Variants in SNTG1 observed in about 807,000 individuals in gnomAD.
SNTG1 encodes the protein syntrophin gamma 1.
A neutral mutation model predicts 74.7 loss-of-function variants in SNTG1; 39 were observed. That is an observed-to-expected ratio of 0.52 (90% CI 0.40 to 0.68). SNTG1 has a LOEUF of 0.68. SNTG1 is among the 30% of genes least tolerant of loss of function. The pLI is 0.00. For missense variants in SNTG1, 685 were observed against 609.5 expected, an observed-to-expected ratio of 1.12 and a Z score of -1.30; for synonymous variants, 254 against 217.1, an observed-to-expected ratio of 1.17 and a Z score of -1.49.
chr8:50,770,654 A>G lies in SNTG1; in HGVS notation c.1395+18543A>G, dbSNP rs369919807. Among the ~76,000 whole-genome samples the G allele has an allele frequency of 2.0e-5, 3 of 152,076 alleles. No homozygotes were observed. The East Asian group carries it at 5.8e-4, about 29-fold the overall frequency. ...ATATGGCTTCTCCCCTCTGAAACTC[A>G]TGTTAAAATTTGATTCTCAATGTGA... On this transcript the variant is annotated intron_variant, in intron 18 of 18. Transcript: ENST00000642720.
intron 1 of SNTG1, among the ~76,000 whole-genome samples, chr8:49,989,960 T>C (rs1813522465): frequency 1.3e-5 from 2 of 151,920 alleles, no homozygotes; most frequent in Non-Finnish European, 2.9e-5. Flanking sequence ...CTCAATTTGA[T>C]AAAAAGTATC....
chr8:50,008,721 G>A (rs570328816), intron 1 of SNTG1, among the ~76,000 whole-genome samples: 1 of 152,252 alleles, frequency 6.6e-6, no homozygotes, highest in South Asian at 2.1e-4. Flanking sequence ...GCTTGTCTCA[G>A]TTAATCAAAT....
chr8:49,928,638 TGC>T (rs1162683903), intron 1 of SNTG1, among the ~76,000 whole-genome samples: 1 of 152,146 alleles, frequency 6.6e-6, no homozygotes, highest in Non-Finnish European at 1.5e-5. Flanking sequence ...AGGAACTCTC[TGC>T]ACATTTTGCC....
At chr8:50,078,197 C>G (rs1198813814) in intron 1 of SNTG1, among the ~76,000 whole-genome samples, 1 of 152,140 alleles carries the variant, frequency 6.6e-6, no homozygotes, top group African/African-American at 2.4e-5. Flanking sequence ...TAAGTTTCAA[C>G]ACTGTATAAG....
chr8:50,564,663 A>G (rs992527415), intron 12 of SNTG1, among the ~76,000 whole-genome samples: 3 of 152,220 alleles, frequency 2.0e-5, no homozygotes, highest in Admixed American at 6.5e-5. Context: ...TTAGCTTACA[A>G]TGATATTTAA....
chr8:50,619,270 G>T (rs1362692357), intron 13 of SNTG1, among the ~76,000 whole-genome samples: 2 of 152,118 alleles, frequency 1.3e-5, no homozygotes, highest in Non-Finnish European at 2.9e-5. Context: ...TAATTTTTAT[G>T]ATAGTAATAG....
chr8:50,195,896 G>C (rs4873419), intron 2 of SNTG1, among the ~76,000 whole-genome samples: 46,107 of 151,950 alleles, frequency 0.3, 7,147 homozygotes, highest in South Asian at 0.42. Flanking sequence ...ATGAGAGTTT[G>C]CGCAAGCTGC....
intron 13 of SNTG1, among the ~76,000 whole-genome samples, chr8:50,648,801 A>AT (rs924413278): frequency 1.3e-5 from 2 of 152,136 alleles, no homozygotes; most frequent in Admixed American, 6.6e-5. Flanking sequence ...ATTGTTAGCC[A>AT]TTGTGCTGCC....
intron 1 of SNTG1, among the ~76,000 whole-genome samples, chr8:50,047,410 A>T (rs10086530): frequency 0.039 from 5,887 of 152,208 alleles, 403 homozygotes; most frequent in African/African-American, 0.13. Context: ...CCTACTTAAC[A>T]TTTATAAACT....
At chr8:50,270,841 A>G (rs1437929237) in intron 2 of SNTG1, among the ~76,000 whole-genome samples, 2 of 152,224 alleles carry the variant, frequency 1.3e-5, no homozygotes, top group Non-Finnish European at 2.9e-5. Context: ...TGGTAAGAAT[A>G]GAGTTTCAAT....
At chr8:50,602,936 A>G (rs1029293470) in intron 13 of SNTG1, among the ~76,000 whole-genome samples, 3 of 116,612 alleles carry the variant, frequency 2.6e-5, no homozygotes, top group African/African-American at 1.1e-4. Flanking sequence ...TGCTGGTTTT[A>G]GAGTTCTTTC....
chr8:50,670,962 A>C (rs1586028446), intron 15 of SNTG1, among the ~76,000 whole-genome samples: 1 of 151,068 alleles, frequency 6.6e-6, no homozygotes, highest in Non-Finnish European at 1.5e-5. Flanking sequence ...CTATTTAATA[A>C]ATGGTGCTGG....
At chr8:50,614,581 G>A (rs1332839308) in intron 13 of SNTG1, among the ~76,000 whole-genome samples, 2 of 152,028 alleles carry the variant, frequency 1.3e-5, no homozygotes, top group Non-Finnish European at 2.9e-5. Flanking sequence ...ACTACTCAAT[G>A]AGCAATGACC....
intron 2 of SNTG1, among the ~76,000 whole-genome samples, chr8:50,360,701 G>A (rs146876265): frequency 2.0e-5 from 3 of 152,274 alleles, no homozygotes; most frequent in Non-Finnish European, 4.4e-5. Flanking sequence ...TAACAGCACA[G>A]TATTTATATC....
At chr8:50,721,997 G>A (rs1219555718) in intron 17 of SNTG1, among the ~76,000 whole-genome samples, 1 of 151,944 alleles carries the variant, frequency 6.6e-6, no homozygotes, top group African/African-American at 2.4e-5. Flanking sequence ...AGGAACAAAT[G>A]ATGGATTACA....
At chr8:50,093,845 T>A (rs938907261) in intron 1 of SNTG1, among the ~76,000 whole-genome samples, 2 of 152,128 alleles carry the variant, frequency 1.3e-5, no homozygotes, top group African/African-American at 4.8e-5. Context: ...GATAGGAAGA[T>A]GAATACAGTG....
At chr8:49,992,865 C>T (rs1813822309) in intron 1 of SNTG1, among the ~76,000 whole-genome samples, 1 of 152,112 alleles carries the variant, frequency 6.6e-6, no homozygotes, top group Non-Finnish European at 1.5e-5. Flanking sequence ...CTCACACATA[C>T]TAAAATCACC....
intron 8 of SNTG1, among the ~76,000 whole-genome samples, chr8:50,482,562 A>G (rs2093749773): frequency 1.3e-5 from 2 of 152,176 alleles, no homozygotes; most frequent in South Asian, 2.1e-4. Flanking sequence ...AACATAACCC[A>G]TTTCAATCTT....
chr8:50,627,614 T>C (rs1392448602), intron 13 of SNTG1, among the ~76,000 whole-genome samples: 1 of 152,230 alleles, frequency 6.6e-6, no homozygotes, highest in Non-Finnish European at 1.5e-5. Context: ...TCTAGTCAAC[T>C]GGCTATAAAC....
Sources: gnomAD v4.1 joint callset for allele counts (sites outside exome capture counted in the v4.1 genomes callset) on GRCh38, gnomAD v4.1.1 for gene constraint, MANE v1.5 for transcripts, NCBI Gene and HGNC (gene_info 2026-07-23, HGNC 2026-07-21) for gene names.